Variants in SLC7A2 observed in about 807,000 individuals in gnomAD.
SLC7A2 encodes the protein cationic amino acid transporter 2.
In SLC7A2, 48 loss-of-function variants were observed where a neutral mutation model predicts 58.9. The ratio of observed to expected loss-of-function variants is 0.82; its 90% confidence interval spans 0.65 to 1.04. The LOEUF (loss-of-function observed/expected upper bound fraction) is 1.04, where lower values mean the gene tolerates loss of function less well. Among genes scored for constraint, SLC7A2 ranks in the 50% least tolerant of loss-of-function variants. The probability of loss-of-function intolerance (pLI) is 0.00; values close to 1 mark genes in which losing one functional copy is unlikely to be tolerated. For missense variants in SLC7A2, 1,029 were observed against 818.8 expected (o/e 1.26, Z -3.13); for synonymous variants, 363 against 314.5 (o/e 1.15, Z -1.63).
chr8:17,531,926 C>A (rs1296900022), intron 2 of SLC7A2, among the ~76,000 whole-genome samples: 1 of 151,764 alleles, frequency 6.6e-6, no homozygotes, highest in Non-Finnish European at 1.5e-5. Flanking sequence ...ATGGATATTT[C>A]TTAGTTAATA....
rs773033185 is a variant in SLC7A2 at position 17,560,423 on chromosome 8, A to G, written c.1394A>G (p.Gln465Arg). 2.5e-5 allele frequency: 41 copies of G among 1,613,966 alleles called. No homozygotes were observed. The South Asian group carries it at 3.0e-4, about 12-fold the overall frequency. The change falls in exon 10 of 13, where the codon CAG (glutamine) becomes CGG (arginine). Residue 465 changes from glutamine (Q) to arginine (R), a missense_variant. Gln to Arg is a conservative substitution (Grantham distance 43). Transcript: ENST00000494857. ...SPRVTSKSES[Q>R]VTMLQRQGFS... ...AGGGTAACCTCGAAGAGTGAGTCCC[A>G]GGTCACCATGCTGCAGAGACAGGGC...
intron 1 of SLC7A2, 88 bp from the exon 2 acceptor site, chr8:17,502,169 T>A (rs993598324): frequency 2.7e-5 from 4 of 149,886 alleles, no homozygotes; most frequent in African/African-American, 9.7e-5. Flanking sequence ...GAGGATCGCT[T>A]GAGTCTGGGA....
chr8:17,522,652 G>T (rs1326058621), intron 2 of SLC7A2, among the ~76,000 whole-genome samples: 3 of 152,168 alleles, frequency 2.0e-5, no homozygotes, highest in African/African-American at 7.2e-5. Flanking sequence ...ACTAGGTCCT[G>T]TGTCTCCCCT....
rs781171124 is a variant in SLC7A2 at position 17,561,947 on chromosome 8, T to C, written c.1508T>C (p.Phe503Ser). The change falls in exon 11 of 13, where the codon TTC becomes TCC. Residue 503 changes from phenylalanine (F) to serine (S), a missense_variant. Coordinates refer to ENST00000494857, the MANE Select transcript of SLC7A2 (RefSeq NM_001370338.1). ...TTATCTACACATCCCCCTGCAGCTT[T>C]CCTCGTGTTGGGCCTGAGTGTCTTG... The part of the protein sequence containing the change: ...LVSFLVGFLA[F>S]LVLGLSVLTT... The C allele has an allele frequency of 4.3e-6, 7 of 1,614,082 alleles. No homozygotes were observed. The highest frequency in any genetic ancestry group is 5.1e-6 in the Non-Finnish European group (6 of 1,180,002).
At chr8:17,537,775 C>T (rs973722767) in intron 2 of SLC7A2, among the ~76,000 whole-genome samples, 1 of 152,198 alleles carries the variant, frequency 6.6e-6, no homozygotes, top group Non-Finnish European at 1.5e-5. Flanking sequence ...GCATGGGCAT[C>T]TGCCTGGTGC....
At position 17,522,482 on chromosome 8, in the gene SLC7A2, G is replaced by A. The variant is rs1216811640; in HGVS notation, c.-23+20180G>A. On this transcript the variant is annotated intron_variant, in intron 2 of 12. Coordinates refer to ENST00000494857, the MANE Select transcript of SLC7A2 (RefSeq NM_001370338.1). Reference sequence around the variant, plus strand: ...CGGGGCTTGAGTAGATTGTGCGCTTGTTTGTACCACCCTGATAAGTACCTG... The same window carrying A: ...CGGGGCTTGAGTAGATTGTGCGCTTATTTGTACCACCCTGATAAGTACCTG... Among the ~76,000 whole-genome samples, 4 of 152,186 alleles carry A rather than the reference G, an allele frequency of 2.6e-5. No individual in the cohort carries two copies. The East Asian group carries it at 7.7e-4, about 29-fold the overall frequency.
At chr8:17,532,641 C>G (rs886449938) in intron 2 of SLC7A2, among the ~76,000 whole-genome samples, 2 of 151,986 alleles carry the variant, frequency 1.3e-5, no homozygotes, top group African/African-American at 4.8e-5. Context: ...CTGGAGAAAA[C>G]TTAATTGGAG....
chr8:17,507,349 ATTT>A (rs1335840162), intron 2 of SLC7A2, among the ~76,000 whole-genome samples: 102 of 140,404 alleles, frequency 7.3e-4, no homozygotes, highest in Non-Finnish European at 9.1e-4. Flanking sequence ...GCTGGAAACT[ATTT>A]AAATGTGTGT....
intron 8 of SLC7A2, among the ~76,000 whole-genome samples, chr8:17,556,212 C>A (rs1372578731): frequency 2.0e-5 from 3 of 152,104 alleles, no homozygotes; most frequent in Non-Finnish European, 2.9e-5. Flanking sequence ...TTAAACAACA[C>A]ATGATATTAA....
In SLC7A2 at chr8:17,566,981, TTTA is replaced by T. The variant is rs1803294447; in HGVS notation, c.*1838_*1840del. 1 of 152,302 alleles carries T rather than the reference TTTA, an allele frequency of 6.6e-6. No individual in the cohort carries two copies. Among genetic ancestry groups the T allele is most frequent in the African/African-American group, 2.4e-5 (1 of 41,348 alleles). 9.4% of individuals were successfully genotyped at this position (152,302 alleles called of 1,614,324 possible). On this transcript the variant is annotated 3_prime_UTR_variant, in exon 13 of 13. Coordinates refer to ENST00000494857, the MANE Select transcript of SLC7A2 (RefSeq NM_001370338.1). ...TGCGATGGTTTTGTATAGCCAGGAG[TTTA>T]TTGTGATTAAACATCAAAGAAACAG...
chr8:17,533,995 A>G (rs765839987), intron 2 of SLC7A2, among the ~76,000 whole-genome samples: 4 of 151,850 alleles, frequency 2.6e-5, no homozygotes, highest in Admixed American at 6.6e-5. Context: ...GCTCCCACTT[A>G]TAAGTGAAAA....
intron 2 of SLC7A2, among the ~76,000 whole-genome samples, chr8:17,530,181 G>A (rs1801388550): frequency 6.6e-6 from 1 of 151,958 alleles, no homozygotes; most frequent in Non-Finnish European, 1.5e-5. Context: ...GTTCCCCCCT[G>A]CCCCCCATCC....
At chr8:17,502,080 G>C (rs1800182582) in intron 1 of SLC7A2, among the ~76,000 whole-genome samples, 177 bp from the exon 2 acceptor site, 1 of 151,088 alleles carries the variant, frequency 6.6e-6, no homozygotes, top group Non-Finnish European at 1.5e-5. Context: ...ATATATATAT[G>C]TATTCCCACC....
chr8:17,568,325 G>A lies in SLC7A2; in HGVS notation c.*3179G>A, dbSNP rs1014362385. On this transcript the variant is annotated 3_prime_UTR_variant, in exon 13 of 13. Transcript: ENST00000494857. ...TTAAGAATAGAGCTATGCAAACTCT[G>A]TTAAAAACTATGAGGAAAACTTATA... 6.6e-6 allele frequency: 1 copy of A among 151,958 alleles called. No homozygotes were observed. The highest frequency in any genetic ancestry group is 2.4e-5 in the African/African-American group (1 of 41,368). 9.4% of individuals were successfully genotyped at this position (151,958 alleles called of 1,614,324 possible).
At chr8:17,529,231 G>A (rs1801338370) in intron 2 of SLC7A2, among the ~76,000 whole-genome samples, 1 of 152,196 alleles carries the variant, frequency 6.6e-6, no homozygotes, top group Non-Finnish European at 1.5e-5. Context: ...TGCAATCACA[G>A]TAATTGTCCT....
At chr8:17,496,487 C>T (rs1021516716), upstream of SLC7A2, among the ~76,000 whole-genome samples, 1 of 152,148 alleles carries the variant, frequency 6.6e-6, no homozygotes, top group Non-Finnish European at 1.5e-5. Context: ...AGGAGAAACC[C>T]TGATTGTGTA....
chr8:17,561,731 A>C (rs1323949322), intron 10 of SLC7A2, among the ~76,000 whole-genome samples: 1 of 152,186 alleles, frequency 6.6e-6, no homozygotes, highest in Non-Finnish European at 1.5e-5. Flanking sequence ...AGGAGGGGAG[A>C]GTAATGAGTA....
At chr8:17,520,652 A>G (rs1234733639) in intron 2 of SLC7A2, 1 of 161,266 alleles carries the variant, frequency 6.2e-6, no homozygotes, top group African/African-American at 5.1e-5. Flanking sequence ...AAAAAAAAAA[A>G]AAAAAAAAAA....
chr8:17,538,644 A>T, intron 2 of SLC7A2: 1 of 605,018 alleles, frequency 1.7e-6, no homozygotes, highest in East Asian at 3.1e-5. Context: ...ATAATTTGAA[A>T]ATTTATCTTG....
Sources: gnomAD v4.1 joint callset for allele counts (sites outside exome capture counted in the v4.1 genomes callset) on GRCh38, gnomAD v4.1.1 for gene constraint, MANE v1.5 for transcripts, NCBI Gene and HGNC (gene_info 2026-07-23, HGNC 2026-07-21) for gene names.